SCMH1: variants seen among roughly 807,000 people sequenced by gnomAD.
SCMH1 encodes polycomb protein SCMH1.
Under a neutral mutation model 70.8 loss-of-function variants are expected in SCMH1, and 37 were observed. That is an observed-to-expected ratio of 0.52 (90% CI 0.40 to 0.69). The LOEUF is 0.69. SCMH1 is among the 30% of genes least tolerant of loss of function. SCMH1 has a pLI of 0.00. For missense variants in SCMH1, 607 were observed against 827.3 expected (o/e 0.73, Z 3.27); for synonymous variants, 292 against 307.4 (o/e 0.95, Z 0.52).
chr1:41,160,031 A>C, intron 4 of SCMH1: 1 of 285,084 alleles, frequency 3.5e-6, no homozygotes, highest in Non-Finnish European at 6.4e-6. Flanking sequence ...ACTGGCTCTC[A>C]AAAAGCCTAG....
rs182287011 is a variant in SCMH1, at chr1:41,223,463, T to A, written c.-118+18596A>T. 8.5e-4 allele frequency among the ~76,000 whole-genome samples: 129 copies of A among 152,330 alleles called. 1 individual carries two copies. The highest frequency in any genetic ancestry group is 2.7e-3 in the African/African-American group (112 of 41,570). ...TCTTTCTGTTTCCCACATGGATTAA[T>A]GAGTTAAAATTTTGTTCATTCTATA... On this transcript the variant is annotated intron_variant, in intron 1 of 14. Coordinates refer to ENST00000337495, the Ensembl canonical transcript of SCMH1.
chr1:41,084,205 G>C (rs1660885515), intron 8 of SCMH1, among the ~76,000 whole-genome samples: 1 of 152,144 alleles, frequency 6.6e-6, no homozygotes, highest in Non-Finnish European at 1.5e-5. Flanking sequence ...CAAAATGGGA[G>C]AAAATTTTCG....
At chr1:41,029,554 T>C (rs879823536) in intron 13 of SCMH1, among the ~76,000 whole-genome samples, 1 of 152,220 alleles carries the variant, frequency 6.6e-6, no homozygotes, top group Non-Finnish European at 1.5e-5. Flanking sequence ...AGTGTTTTGC[T>C]TGGAGCTTTC....
chr1:41,044,752 C>A (rs1308533488), intron 12 of SCMH1, among the ~76,000 whole-genome samples: 1 of 151,960 alleles, frequency 6.6e-6, no homozygotes, highest in Admixed American at 6.6e-5. Flanking sequence ...AAGAGTCTGG[C>A]TAAAGTTTGC....
intron 4 of SCMH1, 94 bp from the exon 5 acceptor site, chr1:41,151,778 C>G: frequency 2.6e-6 from 2 of 770,256 alleles, no homozygotes; most frequent in Non-Finnish European, 4.2e-6. Context: ...TATTTGTAGA[C>G]TGGTTTTGAG....
chr1:41,212,819 A>C (rs1395375462), intron 1 of SCMH1, among the ~76,000 whole-genome samples: 1 of 152,212 alleles, frequency 6.6e-6, no homozygotes, highest in East Asian at 1.9e-4. Context: ...TTTTTAAATT[A>C]ATTTTTAAAA....
chr1:41,030,373 C>T (rs1307333733), intron 13 of SCMH1, among the ~76,000 whole-genome samples: 1 of 152,202 alleles, frequency 6.6e-6, no homozygotes, highest in East Asian at 1.9e-4. Flanking sequence ...AGCCTTCCTA[C>T]CTTCGGCCTC....
chr1:41,209,812 T>C (rs936972783), intron 1 of SCMH1, among the ~76,000 whole-genome samples: 1 of 151,564 alleles, frequency 6.6e-6, no homozygotes, highest in Non-Finnish European at 1.5e-5. Flanking sequence ...GGCACAAGCA[T>C]GCCCTCTCTC....
intron 8 of SCMH1, among the ~76,000 whole-genome samples, chr1:41,101,975 G>T (rs931341426): frequency 2.6e-5 from 4 of 152,124 alleles, no homozygotes; most frequent in Admixed American, 6.5e-5. Context: ...AGAAGATAAA[G>T]AACTAAACAT....
intron 8 of SCMH1, among the ~76,000 whole-genome samples, chr1:41,092,250 C>A (rs1558800444): frequency 6.6e-6 from 1 of 152,056 alleles, no homozygotes; most frequent in Non-Finnish European, 1.5e-5. Flanking sequence ...TTTGACAAAC[C>A]TGAGAAAAAC....
chr1:41,157,076 C>T (rs2148392390), intron 4 of SCMH1, among the ~76,000 whole-genome samples: 1 of 151,698 alleles, frequency 6.6e-6, no homozygotes, highest in African/African-American at 2.4e-5. Flanking sequence ...CGCTCAGTCT[C>T]CAGAGTAGCC....
At chr1:41,083,059 T>C (rs1393091142) in intron 8 of SCMH1, among the ~76,000 whole-genome samples, 2 of 152,164 alleles carry the variant, frequency 1.3e-5, no homozygotes, top group African/African-American at 4.8e-5. Flanking sequence ...CTTTGAAAAC[T>C]GGCACAAGAC....
intron 2 of SCMH1, among the ~76,000 whole-genome samples, chr1:41,171,955 G>T (rs1646808428): frequency 6.6e-6 from 1 of 152,092 alleles, no homozygotes; most frequent in Non-Finnish European, 1.5e-5. Flanking sequence ...ACTTTGGGAG[G>T]GTGAGACAGA....
intron 2 of SCMH1, among the ~76,000 whole-genome samples, chr1:41,173,274 C>G (rs1286080048): frequency 6.6e-6 from 1 of 151,920 alleles, no homozygotes; most frequent in East Asian, 1.9e-4. Context: ...AAACACAAAA[C>G]AACAAATAAT....
chr1:41,163,525 T>A (rs1254882497), intron 2 of SCMH1, among the ~76,000 whole-genome samples: 4 of 152,140 alleles, frequency 2.6e-5, no homozygotes, highest in Non-Finnish European at 5.9e-5. Flanking sequence ...AAAGAGATAA[T>A]TAAGTTAAAA....
intron 6 of SCMH1, among the ~76,000 whole-genome samples, chr1:41,141,732 G>C (rs1357450502): frequency 6.6e-6 from 1 of 152,158 alleles, no homozygotes. Flanking sequence ...ATAAGAACTT[G>C]TAGATTTAAA....
At chr1:41,189,419 G>C (rs1228666750) in intron 1 of SCMH1, among the ~76,000 whole-genome samples, 2 of 152,188 alleles carry the variant, frequency 1.3e-5, no homozygotes, top group African/African-American at 4.8e-5. Context: ...CCAAAGTGAT[G>C]GGATTACAAG....
In SCMH1 at chr1:41,241,235, G is replaced by C. The variant is rs1371091175; in HGVS notation, c.-118+824C>G. 2.6e-5 allele frequency among the ~76,000 whole-genome samples: 4 copies of C among 152,222 alleles called. No individual in the cohort carries two copies. In the South Asian group the frequency reaches 8.3e-4, roughly 32 times the overall value. On this transcript the variant is annotated intron_variant, in intron 1 of 14. Coordinates refer to ENST00000337495, the Ensembl canonical transcript of SCMH1. ...CATGGGATGGGAGAAAGCGCCCCTA[G>C]ATGACTTTTAAATTCTCTTCCAGTC...
At chr1:41,119,852 C>A (rs987861258) in intron 6 of SCMH1, among the ~76,000 whole-genome samples, 5 of 152,064 alleles carry the variant, frequency 3.3e-5, no homozygotes, top group African/African-American at 1.2e-4. Flanking sequence ...CTGCCTCCTC[C>A]TTTTTTCCCT....
Sources: allele counts gnomAD v4.1 joint callset (sites outside exome capture counted in the v4.1 genomes callset), GRCh38; gene constraint gnomAD v4.1.1; transcripts MANE v1.5; gene names NCBI Gene and HGNC (gene_info 2026-07-23, HGNC 2026-07-21).